PLXND1: variants seen among roughly 807,000 people sequenced by gnomAD.
PLXND1 encodes plexin D1.
A neutral mutation model predicts 197.7 loss-of-function variants in PLXND1; 54 were observed. That is an observed-to-expected ratio of 0.27 (90% CI 0.22 to 0.34). The LOEUF is 0.34. Among genes scored for constraint, PLXND1 ranks in the 10% least tolerant of loss-of-function variants. The probability of loss-of-function intolerance (pLI) is 1.00; values close to 1 mark genes in which losing one functional copy is unlikely to be tolerated. For missense variants in PLXND1, 2,127 were observed against 2,699.2 expected, an observed-to-expected ratio of 0.79 and a Z score of 4.70; for synonymous variants, 1,180 against 1,161.2, an observed-to-expected ratio of 1.02 and a Z score of -0.33.
intron 5 of PLXND1, 25 bp from the exon 6 acceptor site, chr3:129,584,587 T>G (rs1439731565): frequency 6.3e-7 from 1 of 1,582,740 alleles, no homozygotes; most frequent in South Asian, 1.2e-5. Context: ...CCCTCAGCTC[T>G]GGGGGTCCAG....
At chr3:129,584,007 C>A (rs1011556237) in intron 7 of PLXND1, 118 bp downstream of exon 7, 2 of 680,632 alleles carry the variant, frequency 2.9e-6, no homozygotes, top group African/African-American at 1.8e-5. Context: ...AACTGAAGGG[C>A]CTGTCTACCT....
In PLXND1 at chr3:129,582,522, C is replaced by T. The variant is rs146574244; in HGVS notation, c.2241+1045G>A. ...AAGGCTGGTGCCCTACCCCAGCCAC[C>T]CACAGCCCTGATACGCGCCAGGTCT... On this transcript the variant is annotated intron_variant, in intron 8 of 35. Coordinates refer to ENST00000324093, the MANE Select transcript of PLXND1 (RefSeq NM_015103.3). 7.8e-4 allele frequency among the ~76,000 whole-genome samples: 119 copies of T among 152,318 alleles called. No homozygotes were observed. The East Asian group carries it at 0.019, about 25-fold the overall frequency.
intron 20 of PLXND1, chr3:129,569,454 C>T (rs959340361): frequency 2.1e-5 from 4 of 187,726 alleles, no homozygotes; most frequent in East Asian, 1.3e-4. Flanking sequence ...TCTGCTACAT[C>T]GAGTCTATTA....
chr3:129,596,138 T>C (rs1469539728), intron 1 of PLXND1, among the ~76,000 whole-genome samples: 1 of 152,104 alleles, frequency 6.6e-6, no homozygotes, highest in Non-Finnish European at 1.5e-5. Flanking sequence ...CCTTCAGTGC[T>C]AAGCACTGTA....
chr3:129,605,149 G>A (rs1439214603), intron 1 of PLXND1, among the ~76,000 whole-genome samples, 180 bp downstream of exon 1: 1 of 152,160 alleles, frequency 6.6e-6, no homozygotes, highest in African/African-American at 2.4e-5. Context: ...ACAGGCGCCA[G>A]TAGTACCCCT....
intron 25 of PLXND1, among the ~76,000 whole-genome samples, chr3:129,563,978 G>A (rs965957822): frequency 3.3e-5 from 5 of 152,276 alleles, no homozygotes; most frequent in Non-Finnish European, 5.9e-5. Flanking sequence ...GGTCTGGGGC[G>A]TGGGAGGCAC....
intron 13 of PLXND1, 63 bp downstream of exon 13, chr3:129,573,531 A>AG: frequency 2.7e-6 from 4 of 1,466,158 alleles, no homozygotes; most frequent in Non-Finnish European, 2.8e-6. Context: ...GGGAGGAGTG[A>AG]GGAGGACAGA....
chr3:129,583,695 T>G (rs1248816298), intron 7 of PLXND1, 26 bp from the exon 8 acceptor site: 2 of 1,504,304 alleles, frequency 1.3e-6, no homozygotes, highest in Non-Finnish European at 1.8e-6. Flanking sequence ...GCCCCTCAAC[T>G]CCTGGTTCCC....
At chr3:129,576,080 C>T (rs2085310025) in intron 9 of PLXND1, among the ~76,000 whole-genome samples, 2 of 152,244 alleles carry the variant, frequency 1.3e-5, no homozygotes, top group African/African-American at 2.4e-5. Context: ...ACTTTGGCCT[C>T]ATGCGCTCAG....
In PLXND1 at chr3:129,578,202, C is replaced by A. The variant is rs2085339911; in HGVS notation, c.2346+127G>T. 6 of 698,112 alleles carry A rather than the reference C, an allele frequency of 8.6e-6. No individual in the cohort carries two copies. The Admixed American group carries it at 1.1e-4, about 13-fold the overall frequency. 43.2% of individuals were successfully genotyped at this position (698,112 alleles called of 1,614,324 possible). A position where few individuals can be genotyped will look rare whatever the true frequency, so the allele number is the denominator to read the frequency against. ...CTCAGAGAAAGAAAAGCAAAGCCCA[C>A]ACAGGTGCGAAAGCACTGCAGTGGG... is the stretch of plus-strand genomic sequence containing the variant. On this transcript the variant is annotated intron_variant, in intron 9 of 35. Transcript: ENST00000324093.
Position 129,571,489 on chromosome 3 carries a change from C to T in PLXND1, c.3336+20G>A. 1.2e-6 allele frequency: 2 copies of T among 1,606,376 alleles called. No homozygotes were observed. Among genetic ancestry groups the T allele is most frequent in the Non-Finnish European group, 1.7e-6 (2 of 1,173,644 alleles). On this transcript the variant is annotated intron_variant, in intron 17 of 35. Transcript: ENST00000324093. The stretch of plus-strand genomic sequence containing the variant: ...GCCTGGGCCACCCCCTCCCACCCAT[C>T]AGGCCCCCGAATGCCTCACCGTGGG...
rs759830853 is a variant in PLXND1, at chr3:129,567,637, G to A, written c.3974-33C>T. 48 of 1,584,360 alleles carry A rather than the reference G, an allele frequency of 3.0e-5. No individual in the cohort carries two copies. In the Admixed American group the frequency reaches 3.3e-4, roughly 11 times the overall value. On this transcript the variant is annotated intron_variant, in intron 21 of 35. Transcript: ENST00000324093. ...ACACACGGACAGCCGTGAGCGGCCC[G>A]AGAACCCATCCCCTAGGAGGGAAAG...
At chr3:129,565,060 G>A (rs558794011) in intron 25 of PLXND1, among the ~76,000 whole-genome samples, 1 of 152,372 alleles carries the variant, frequency 6.6e-6, no homozygotes, top group African/African-American at 2.4e-5. Flanking sequence ...AAGGGTGGAT[G>A]ACTGAGAAAA....
At chr3:129,600,037 C>T (rs1057021509) in intron 1 of PLXND1, among the ~76,000 whole-genome samples, 20 of 152,350 alleles carry the variant, frequency 1.3e-4, no homozygotes, top group African/African-American at 4.1e-4. Flanking sequence ...GCCTGCAGAG[C>T]GCGAGCTCGG....
intron 1 of PLXND1, among the ~76,000 whole-genome samples, chr3:129,594,601 G>C (rs1278425758): frequency 6.6e-6 from 1 of 152,172 alleles, no homozygotes; most frequent in Non-Finnish European, 1.5e-5. Context: ...CATCCTTCAC[G>C]GGAGCCAAAG....
intron 8 of PLXND1, among the ~76,000 whole-genome samples, chr3:129,580,900 C>T (rs1306519010): frequency 6.6e-6 from 1 of 151,988 alleles, no homozygotes; most frequent in African/African-American, 2.4e-5. Flanking sequence ...GTAGTGACCA[C>T]CTACACCTAT....
At chr3:129,561,115 G>A in intron 29 of PLXND1, 1 of 472,364 alleles carries the variant, frequency 2.1e-6, no homozygotes, top group South Asian at 1.5e-5. Flanking sequence ...GGGAGGAGGG[G>A]CCCCAGGCAG....
intron 2 of PLXND1, among the ~76,000 whole-genome samples, chr3:129,589,114 T>G (rs61319406): frequency 0.095 from 14,406 of 152,278 alleles, 912 homozygotes; most frequent in East Asian, 0.26. Flanking sequence ...TCTGAGAGAA[T>G]CACCCTCTCT....
intron 1 of PLXND1, among the ~76,000 whole-genome samples, chr3:129,599,530 C>T (rs2085676893): frequency 6.6e-6 from 1 of 152,226 alleles, no homozygotes; most frequent in South Asian, 2.1e-4. Context: ...CCTGGGTGGA[C>T]CATCATTCAC....
Sources: allele counts gnomAD v4.1 joint callset (sites outside exome capture counted in the v4.1 genomes callset), GRCh38; gene constraint gnomAD v4.1.1; transcripts MANE v1.5; gene names NCBI Gene and HGNC (gene_info 2026-07-23, HGNC 2026-07-21).